TANC2: variants seen among roughly 807,000 people sequenced by gnomAD.
TANC2 encodes the protein tetratricopeptide repeat, ankyrin repeat and coiled-coil containing 2, also known as protein TANC2.
In TANC2, 26 loss-of-function variants were observed where a neutral mutation model predicts 210.5. The observed-to-expected ratio is 0.12, with a 90% CI of 0.09 to 0.17. TANC2 has a LOEUF of 0.17. TANC2 is among the 10% of genes least tolerant of loss of function. The pLI is 1.00. For missense variants in TANC2, 2,129 were observed against 2,608.9 expected (o/e 0.82, Z 4.01); for synonymous variants, 931 against 967.1 (o/e 0.96, Z 0.69).
intron 8 of TANC2, among the ~76,000 whole-genome samples, chr17:63,266,360 AT>A (rs540924332): frequency 6.6e-6 from 1 of 152,060 alleles, no homozygotes; most frequent in East Asian, 1.9e-4. Flanking sequence ...CAGTGCTGAC[AT>A]TTTTTTACTA....
chr17:63,301,386 C>T (rs1043422868), intron 9 of TANC2, among the ~76,000 whole-genome samples: 9 of 152,184 alleles, frequency 5.9e-5, no homozygotes, highest in Middle Eastern at 6.8e-3. Context: ...TGGTAGAATT[C>T]GGCTGTGAAT....
intron 9 of TANC2, among the ~76,000 whole-genome samples, chr17:63,294,574 G>T (rs897680973): frequency 1.3e-5 from 2 of 151,766 alleles, no homozygotes; most frequent in African/African-American, 4.8e-5. Flanking sequence ...CATTTTATTA[G>T]AAAAATTTCC....
In TANC2 at chr17:63,005,896, T is replaced by TTGTTTGTG. The variant is rs1555750228; in HGVS notation, c.-23-3638_-23-3637insTTGTGTGT. Among the ~76,000 whole-genome samples, 8 of 132,780 alleles carry TTGTTTGTG rather than the reference T, an allele frequency of 6.0e-5. No individual in the cohort carries two copies. In the East Asian group the frequency reaches 1.1e-3, roughly 19 times the overall value. 87.1% of individuals were successfully genotyped at this position (132,780 alleles called of 152,430 possible). ...TAGTGAAACCACCTGGCTGTATAGT[T>TTGTTTGTG]TGTGTGTGTGTGTGTGTGTGTGTGT... On this transcript the variant is annotated intron_variant, in intron 1 of 27. Transcript: ENST00000689528.
rs199698337 is a variant in TANC2 at position 63,400,282 on chromosome 17, C to T, written c.3331+1368C>T. Among the ~76,000 whole-genome samples, 36 of 152,168 alleles carry T rather than the reference C, an allele frequency of 2.4e-4. No homozygotes were observed. The East Asian group carries it at 3.1e-3, about 13-fold the overall frequency. ...GAAATTACAAGACTAATAGTCATAGCGATGAATATCAAACACATTCTAATG... is the reference window on the plus strand; with the variant it reads ...GAAATTACAAGACTAATAGTCATAGTGATGAATATCAAACACATTCTAATG... On this transcript the variant is annotated intron_variant, in intron 19 of 27. Transcript: ENST00000689528.
chr17:63,064,861 C>CA (rs1211459389), intron 2 of TANC2, among the ~76,000 whole-genome samples: 27 of 150,974 alleles, frequency 1.8e-4, no homozygotes, highest in African/African-American at 5.8e-4. Flanking sequence ...TCTAATGTCT[C>CA]AAACTTTTTT....
At chr17:62,987,905 G>C (rs1478379470) in intron 1 of TANC2, among the ~76,000 whole-genome samples, 1 of 152,030 alleles carries the variant, frequency 6.6e-6, no homozygotes, top group Non-Finnish European at 1.5e-5. Flanking sequence ...TGTTTGTTTT[G>C]TTTGCCGTAG....
chr17:63,126,188 C>T (rs1010107995), intron 4 of TANC2, among the ~76,000 whole-genome samples: 1 of 152,106 alleles, frequency 6.6e-6, no homozygotes, highest in African/African-American at 2.4e-5. Context: ...AGTATTTGTC[C>T]TTTTTATTAT....
intron 1 of TANC2, among the ~76,000 whole-genome samples, chr17:62,992,715 C>T (rs2143600045): frequency 6.6e-6 from 1 of 152,256 alleles, no homozygotes; most frequent in East Asian, 1.9e-4. Context: ...TTTATAGACA[C>T]TTGAGACATT....
intron 5 of TANC2, among the ~76,000 whole-genome samples, chr17:63,183,874 G>A (rs563116442): frequency 5.9e-5 from 9 of 152,184 alleles, no homozygotes; most frequent in South Asian, 2.1e-4. Flanking sequence ...AAAATTAGCC[G>A]GGCGAGGTGG....
At chr17:63,221,109 A>C (rs1179364284) in intron 7 of TANC2, among the ~76,000 whole-genome samples, 1 of 152,066 alleles carries the variant, frequency 6.6e-6, no homozygotes, top group Non-Finnish European at 1.5e-5. Context: ...TTTGACTGCC[A>C]AAATTTAAAA....
chr17:63,017,426 T>A (rs1320162054), intron 2 of TANC2, among the ~76,000 whole-genome samples: 1 of 152,248 alleles, frequency 6.6e-6, no homozygotes, highest in Non-Finnish European at 1.5e-5. Context: ...ACTATTTCTT[T>A]AGTTTCATTT....
At chr17:63,275,981 A>G (rs2043859628) in intron 9 of TANC2, among the ~76,000 whole-genome samples, 1 of 152,186 alleles carries the variant, frequency 6.6e-6, no homozygotes, top group Non-Finnish European at 1.5e-5. Flanking sequence ...AAACTTCCCA[A>G]TTAATCTTAT....
chr17:62,985,387 C>G (rs543240421), intron 1 of TANC2, among the ~76,000 whole-genome samples: 14 of 152,232 alleles, frequency 9.2e-5, no homozygotes, highest in African/African-American at 3.4e-4. Flanking sequence ...GTTCTTTGAG[C>G]CTCCTAGATC....
At position 63,420,666 on chromosome 17, in the gene TANC2, G is replaced by A. The variant is rs368956259; in HGVS notation, c.4936G>A (p.Val1646Met). 74 of 1,613,646 alleles carry A rather than the reference G, an allele frequency of 4.6e-5. No homozygotes were observed. Among genetic ancestry groups the A allele is most frequent in the Non-Finnish European group, 5.9e-5 (70 of 1,179,730 alleles). The change falls in exon 28 of 28, where the codon GTG (valine) becomes ATG (methionine). Residue 1646 changes from valine (V) to methionine (M), a missense_variant. Physicochemically the swap from Val to Met is conservative, Grantham distance 21. Transcript: ENST00000689528. The surrounding 1 kb of genome is among the most constrained non-coding windows in gnomAD (Gnocchi z 4.2). ...CTATAGATCCCAGTCTGGTTCACCC[G>A]TGCGCTATCAGCAGGAAACAAGCGT...
At position 63,256,482 on chromosome 17, in the gene TANC2, T is replaced by A. The variant is rs190315283; in HGVS notation, c.1034-11266T>A. ...AGAAGTTAATTCATATGATTTTTTTTAATTCTTTAGTACTTGGTCTGTGAC... is the reference window on the plus strand; with the variant it reads ...AGAAGTTAATTCATATGATTTTTTTAAATTCTTTAGTACTTGGTCTGTGAC... On this transcript the variant is annotated intron_variant, in intron 8 of 27. Coordinates refer to ENST00000689528, the Ensembl canonical transcript of TANC2. 7.0e-4 allele frequency among the ~76,000 whole-genome samples: 107 copies of A among 152,354 alleles called. No individual in the cohort carries two copies. The East Asian group carries it at 0.014, about 20-fold the overall frequency.
chr17:63,113,212 A>G (rs1278996484), intron 4 of TANC2, among the ~76,000 whole-genome samples: 3 of 152,244 alleles, frequency 2.0e-5, no homozygotes, highest in Non-Finnish European at 4.4e-5. Context: ...AACAGAATAT[A>G]TGTTCACATT....
At chr17:63,006,371 C>A (rs1376719219) in intron 1 of TANC2, among the ~76,000 whole-genome samples, 1 of 151,900 alleles carries the variant, frequency 6.6e-6, no homozygotes, top group Non-Finnish European at 1.5e-5. Flanking sequence ...TGATTTTCAT[C>A]CTTTACTTCT....
In TANC2 at chr17:63,293,600, C is replaced by CCG. The variant is rs1305906133; in HGVS notation, c.1160-20787_1160-20786insGC. ...CATTAGTCAAGATCCAGTTAGAGCC[C>CCG]CCACTTCCCCTTCCCCTCTTTTCCC... On this transcript the variant is annotated intron_variant, in intron 9 of 27. Coordinates refer to ENST00000689528, the Ensembl canonical transcript of TANC2. Among the ~76,000 whole-genome samples the CCG allele has an allele frequency of 2.6e-5, 4 of 151,942 alleles. 1 individual carries two copies. Among genetic ancestry groups the CCG allele is most frequent in the South Asian group, 4.2e-4 (2 of 4,798 alleles).
At chr17:63,294,832 C>T (rs1331572343) in intron 9 of TANC2, among the ~76,000 whole-genome samples, 4 of 152,092 alleles carry the variant, frequency 2.6e-5, no homozygotes, top group African/African-American at 7.2e-5. Context: ...CTGGGTGCTG[C>T]GGATAAGAAA....
Sources: gnomAD v4.1 joint callset for allele counts (sites outside exome capture counted in the v4.1 genomes callset) on GRCh38, gnomAD v4.1.1 for gene constraint, Gnocchi (gnomAD v3.1) non-coding constraint, MANE v1.5 for transcripts, NCBI Gene and HGNC (gene_info 2026-07-23, HGNC 2026-07-21) for gene names.